The following GALNTL5 variants were observed in gnomAD, a reference collection of about 807,000 sequenced individuals.
GALNTL5 encodes the protein polypeptide N-acetylgalactosaminyltransferase like 5.
Under a neutral mutation model 51.0 loss-of-function variants are expected in GALNTL5, and 44 were observed. The ratio of observed to expected loss-of-function variants is 0.86; its 90% CI spans 0.68 to 1.11. The LOEUF is 1.11. GALNTL5 is among the 50% of genes least tolerant of loss of function. The probability of loss-of-function intolerance (pLI) is 0.00; values close to 1 mark genes in which losing one functional copy is unlikely to be tolerated. For synonymous variants in GALNTL5, 192 were observed against 182.8 expected (o/e 1.05, Z -0.41); for missense variants, 528 against 531.8 (o/e 0.99, Z 0.07).
At chr7:152,010,178 T>C (rs555777345) in intron 7 of GALNTL5, among the ~76,000 whole-genome samples, 57 of 151,976 alleles carry the variant, frequency 3.8e-4, no homozygotes, top group African/African-American at 1.3e-3. Flanking sequence ...AGTGGCACGA[T>C]CTTGGCTCAC....
chr7:151,991,239 C>T (rs187468116), intron 5 of GALNTL5, among the ~76,000 whole-genome samples: 249 of 152,154 alleles, frequency 1.6e-3, no homozygotes, highest in African/African-American at 5.8e-3. Context: ...ATTACAAGCA[C>T]CCACCACCAC....
chr7:151,968,933 G>T (rs10243234), intron 2 of GALNTL5, among the ~76,000 whole-genome samples: 63,681 of 151,898 alleles, frequency 0.42, 13,939 homozygotes, highest in East Asian at 0.59. Context: ...TTTTGTAGAG[G>T]ATCTTTTGGA....
At chr7:151,964,263 G>A (rs1398371936) in intron 1 of GALNTL5, among the ~76,000 whole-genome samples, 7 of 152,158 alleles carry the variant, frequency 4.6e-5, no homozygotes, top group Non-Finnish European at 1.5e-5. Flanking sequence ...GTCTCCAAAT[G>A]CAGTCGCACT....
chr7:151,997,124 C>T (rs1312073004), intron 5 of GALNTL5, among the ~76,000 whole-genome samples: 4 of 152,158 alleles, frequency 2.6e-5, no homozygotes, highest in Non-Finnish European at 4.4e-5. Flanking sequence ...ACGTAGCTCC[C>T]AACTCCAAAC....
Position 151,956,498 on chromosome 7 carries a change from A to T in GALNTL5, c.-151A>T, listed in dbSNP as rs1183869484. Reference sequence around the variant, plus strand: ...CAGCCACCATAAAGCCTGCTAGCTAAAAAAAATTTTACATCTCTCAGTTCA... The same window carrying T: ...CAGCCACCATAAAGCCTGCTAGCTATAAAAAATTTTACATCTCTCAGTTCA... On this transcript the variant is annotated 5_prime_UTR_variant, in exon 1 of 9. Transcript: ENST00000392800. The T allele has an allele frequency of 6.6e-6, 1 of 152,214 alleles. No homozygotes were observed. Among genetic ancestry groups the T allele is most frequent in the Non-Finnish European group, 1.5e-5 (1 of 68,066 alleles). The allele number at this position is 152,214 out of a possible 1,614,324, so 9.4% of individuals were successfully genotyped here.
chr7:151,988,616 G>A (rs1368457613), intron 5 of GALNTL5, among the ~76,000 whole-genome samples: 1 of 151,996 alleles, frequency 6.6e-6, no homozygotes, highest in Non-Finnish European at 1.5e-5. Flanking sequence ...AACACAATAT[G>A]GAGAGCATCT....
intron 4 of GALNTL5, among the ~76,000 whole-genome samples, chr7:151,983,910 A>G (rs1281641227): frequency 6.6e-6 from 1 of 152,170 alleles, no homozygotes; most frequent in Non-Finnish European, 1.5e-5. Flanking sequence ...GGGCAAAACC[A>G]GAGTTATTAA....
chr7:152,003,415 T>C (rs556703498), intron 6 of GALNTL5, among the ~76,000 whole-genome samples: 3 of 152,356 alleles, frequency 2.0e-5, no homozygotes, highest in African/African-American at 4.8e-5. Context: ...ATGTCTGGAA[T>C]TGTACATTAA....
At chr7:152,017,441 C>A (rs557887067) in intron 8 of GALNTL5, among the ~76,000 whole-genome samples, 9 of 152,298 alleles carry the variant, frequency 5.9e-5, no homozygotes, top group Middle Eastern at 3.4e-3. Context: ...ACTGTACCTA[C>A]AAGAGCATAG....
intron 3 of GALNTL5, among the ~76,000 whole-genome samples, chr7:151,982,096 C>G (rs540577686): frequency 1.5e-4 from 23 of 152,214 alleles, no homozygotes; most frequent in African/African-American, 4.6e-4. Flanking sequence ...ATATTTCCCT[C>G]ATATGCACAC....
intron 3 of GALNTL5, among the ~76,000 whole-genome samples, chr7:151,975,083 A>T (rs897421714): frequency 1.3e-5 from 2 of 152,152 alleles, no homozygotes; most frequent in African/African-American, 4.8e-5. Flanking sequence ...AAAAAATGTA[A>T]TTTGGTCTCA....
intron 4 of GALNTL5, among the ~76,000 whole-genome samples, chr7:151,984,603 A>G (rs1428595572): frequency 1.3e-5 from 2 of 152,170 alleles, no homozygotes; most frequent in African/African-American, 4.8e-5. Flanking sequence ...GGGGGTCACC[A>G]ATGTCTGAGG....
At chr7:151,965,015 T>G (rs997145150) in intron 1 of GALNTL5, among the ~76,000 whole-genome samples, 1 of 152,226 alleles carries the variant, frequency 6.6e-6, no homozygotes, top group Non-Finnish European at 1.5e-5. Flanking sequence ...TTTTCCTTTG[T>G]AGAGGCTCAG....
Position 151,983,011 on chromosome 7 carries a change from C to T in GALNTL5, c.394C>T (p.Arg132Cys), listed in dbSNP as rs199622614. The T allele has an allele frequency of 4.1e-5, 66 of 1,614,114 alleles. 1 individual carries two copies. The East Asian group carries it at 7.6e-4, about 19-fold the overall frequency. Residue 132 changes from arginine to cysteine, a missense_variant, in exon 4 of 9, where the codon CGC (arginine) becomes TGC (cysteine). Coordinates refer to ENST00000392800, the MANE Select transcript of GALNTL5 (RefSeq NM_145292.4). ...GTGTCTTCAAAAACATTACCCAGCC[C>T]GCCTCCCGACTGCCAGCATTGTCAT... is the stretch of plus-strand genomic sequence containing the variant. The part of the protein sequence containing the change: ...KMCLQKHYPA[R>C]LPTASIVICF...
At chr7:151,967,544 A>T in intron 2 of GALNTL5, 51 bp downstream of exon 2, 1 of 1,515,350 alleles carries the variant, frequency 6.6e-7, no homozygotes, top group Middle Eastern at 1.8e-4. Context: ...AAAATGTACA[A>T]CAATATTTAA....
At chr7:151,994,570 C>A (rs1452234376) in intron 5 of GALNTL5, among the ~76,000 whole-genome samples, 1 of 152,124 alleles carries the variant, frequency 6.6e-6, no homozygotes, top group Non-Finnish European at 1.5e-5. Context: ...GCCTGCCAAG[C>A]CTCATCCCGT....
chr7:151,992,746 C>T (rs2081443227), intron 5 of GALNTL5, among the ~76,000 whole-genome samples: 1 of 152,170 alleles, frequency 6.6e-6, no homozygotes, highest in Non-Finnish European at 1.5e-5. Flanking sequence ...CAACCCGTAG[C>T]ACTACGGTCT....
At chr7:152,002,518 C>T (rs1226967106) in intron 5 of GALNTL5, among the ~76,000 whole-genome samples, 196 bp from the exon 6 acceptor site, 1 of 152,202 alleles carries the variant, frequency 6.6e-6, no homozygotes, top group Non-Finnish European at 1.5e-5. Context: ...TTCCCCTCAA[C>T]ATCTATGGCA....
At chr7:151,972,252 A>C (rs2081153898) in intron 3 of GALNTL5, among the ~76,000 whole-genome samples, 1 of 152,204 alleles carries the variant, frequency 6.6e-6, no homozygotes, top group African/African-American at 2.4e-5. Context: ...ACTTGTTGAG[A>C]AATGGAGTAA....
Sources: gnomAD v4.1 joint callset for allele counts (sites outside exome capture counted in the v4.1 genomes callset) on GRCh38, gnomAD v4.1.1 for gene constraint, MANE v1.5 for transcripts, NCBI Gene and HGNC (gene_info 2026-07-23, HGNC 2026-07-21) for gene names.